Variants in HEXB observed in about 807,000 individuals in gnomAD.
HEXB encodes beta-hexosaminidase subunit beta.
Under a neutral mutation model 71.2 loss-of-function variants are expected in HEXB, and 51 were observed. The ratio of observed to expected loss-of-function variants is 0.72; its 90% confidence interval spans 0.57 to 0.90. The LOEUF (loss-of-function observed/expected upper bound fraction) is 0.90. HEXB is among the 40% of genes least tolerant of loss of function. The probability of loss-of-function intolerance (pLI) is 0.00; values close to 1 mark genes in which losing one functional copy is unlikely to be tolerated. For missense variants in HEXB, 617 were observed against 677.0 expected (o/e 0.91, Z 0.98); for synonymous variants, 266 against 249.3 (o/e 1.07, Z -0.63).
At chr5:74,650,783 G>A (rs552783227) in intron 1 of HEXB, among the ~76,000 whole-genome samples, 3 of 146,978 alleles carry the variant, frequency 2.0e-5, no homozygotes, top group Admixed American at 6.7e-5. Context: ...AAAATTAGCT[G>A]GGCGTGGTGG....
At chr5:74,711,127 G>A (rs1355362249) in intron 6 of HEXB, among the ~76,000 whole-genome samples, 8 of 151,256 alleles carry the variant, frequency 5.3e-5, no homozygotes, top group Non-Finnish European at 7.4e-5. Context: ...CAGAAATAAC[G>A]CTGCATATCT....
chr5:74,665,545 A>C (rs773342851), intron 1 of HEXB, among the ~76,000 whole-genome samples: 15 of 152,176 alleles, frequency 9.9e-5, no homozygotes, highest in Non-Finnish European at 1.8e-4. Context: ...TTGGAAACCT[A>C]CAAAGGACTA....
At chr5:74,674,477 G>A (rs964533976) in intron 1 of HEXB, among the ~76,000 whole-genome samples, 7 of 151,932 alleles carry the variant, frequency 4.6e-5, no homozygotes, top group African/African-American at 7.3e-5. Context: ...GGTGGCAGGC[G>A]CCTGTCGTCC....
At chr5:74,642,249 C>T (rs1166657403) in intron 1 of HEXB, among the ~76,000 whole-genome samples, 1 of 152,168 alleles carries the variant, frequency 6.6e-6, no homozygotes, top group Non-Finnish European at 1.5e-5. Flanking sequence ...AGCCTCACCA[C>T]GAACCTTTCA....
At chr5:74,664,817 A>C (rs929858388) in intron 1 of HEXB, among the ~76,000 whole-genome samples, 1 of 152,224 alleles carries the variant, frequency 6.6e-6, no homozygotes, top group Non-Finnish European at 1.5e-5. Context: ...ATGGCAATTA[A>C]TAGGGCAGGA....
At chr5:74,711,270 A>G (rs901312871) in intron 6 of HEXB, among the ~76,000 whole-genome samples, 2 of 147,052 alleles carry the variant, frequency 1.4e-5, no homozygotes, top group African/African-American at 2.6e-5. Context: ...CTTACACCTT[A>G]TACAAAAATC....
chr5:74,681,423 C>T (rs1748736518), upstream of HEXB, among the ~76,000 whole-genome samples: 1 of 152,052 alleles, frequency 6.6e-6, no homozygotes, highest in African/African-American at 2.4e-5. Context: ...TTGAGAAACC[C>T]TGATTTAAAA....
intron 2 of HEXB, among the ~76,000 whole-genome samples, chr5:74,691,999 G>A (rs1053227837): frequency 3.9e-5 from 6 of 152,138 alleles, no homozygotes; most frequent in African/African-American, 1.4e-4. Flanking sequence ...ATTGTTATAT[G>A]TATTTTCCAC....
intron 6 of HEXB, among the ~76,000 whole-genome samples, chr5:74,712,915 T>TG (rs1749583187): frequency 2.0e-5 from 3 of 152,092 alleles, no homozygotes; most frequent in Admixed American, 1.3e-4. Context: ...GGGACTGAGG[T>TG]AATCATTAAA....
At chr5:74,666,121 A>T (rs1561206546) in intron 1 of HEXB, among the ~76,000 whole-genome samples, 2 of 152,248 alleles carry the variant, frequency 1.3e-5, no homozygotes, top group African/African-American at 2.4e-5. Flanking sequence ...AGAATTGTTG[A>T]AACTGATGAT....
chr5:74,654,389 A>G (rs770231463), intron 1 of HEXB, among the ~76,000 whole-genome samples: 1 of 152,168 alleles, frequency 6.6e-6, no homozygotes, highest in African/African-American at 2.4e-5. Context: ...CAGAGGCCTG[A>G]CAAGACGCAG....
At chr5:74,674,281 C>A (rs79228497) in intron 1 of HEXB, among the ~76,000 whole-genome samples, 29,090 of 152,022 alleles carry the variant, frequency 0.19, 2,902 homozygotes, top group East Asian at 0.26. Context: ...AAATCTATAA[C>A]AAGAGTCCAA....
At chr5:74,645,222 C>T (rs1385531498) in intron 1 of HEXB, among the ~76,000 whole-genome samples, 2 of 150,706 alleles carry the variant, frequency 1.3e-5, no homozygotes, top group African/African-American at 4.9e-5. Flanking sequence ...GAGGTGAGCC[C>T]GTGCTAAGTT....
At chr5:74,668,529 G>C (rs895765336) in intron 1 of HEXB, among the ~76,000 whole-genome samples, 1 of 152,130 alleles carries the variant, frequency 6.6e-6, no homozygotes, top group African/African-American at 2.4e-5. Flanking sequence ...GTGCCTCTCT[G>C]AGCTTCATAT....
chr5:74,648,232 T>C, intron 1 of HEXB, among the ~76,000 whole-genome samples: 1 of 152,228 alleles, frequency 6.6e-6, no homozygotes, highest in South Asian at 2.1e-4. Context: ...ATTTAATGCC[T>C]GAGAAACTTG....
chr5:74,681,090 C>T (rs1037708186), upstream of HEXB, among the ~76,000 whole-genome samples: 7 of 152,154 alleles, frequency 4.6e-5, no homozygotes, highest in African/African-American at 1.7e-4. Context: ...GGAGCCTCAA[C>T]ATAGTCCTCT....
chr5:74,720,393 G>T, intron 11 of HEXB, 35 bp from the exon 12 acceptor site: 2 of 1,414,500 alleles, frequency 1.4e-6, no homozygotes, highest in South Asian at 2.3e-5. Context: ...TATAAGCTTT[G>T]AACTTCTGAA....
upstream of HEXB, among the ~76,000 whole-genome samples, chr5:74,681,464 C>G (rs550005224): frequency 2.0e-5 from 3 of 152,204 alleles, no homozygotes; most frequent in South Asian, 6.2e-4. Flanking sequence ...TTGGTATAGG[C>G]CTGTAGTACT....
chr5:74,682,381 A>C (rs548135289), upstream of HEXB, among the ~76,000 whole-genome samples: 1 of 152,334 alleles, frequency 6.6e-6, no homozygotes, highest in African/African-American at 2.4e-5. Context: ...CAAAACAAAA[A>C]AAAGAAGATC....
Sources: allele counts gnomAD v4.1 joint callset (sites outside exome capture counted in the v4.1 genomes callset), GRCh38; gene constraint gnomAD v4.1.1; transcripts MANE v1.5; gene names NCBI Gene and HGNC (gene_info 2026-07-23, HGNC 2026-07-21).